Variants in ARHGEF12 observed in about 807,000 individuals in gnomAD.
ARHGEF12 encodes the protein Rho guanine nucleotide exchange factor 12.
In ARHGEF12, 66 loss-of-function variants were observed where a neutral mutation model predicts 211.2. The ratio of observed to expected loss-of-function variants is 0.31; its 90% CI spans 0.26 to 0.38. The LOEUF (loss-of-function observed/expected upper bound fraction) is 0.38. ARHGEF12 is among the 10% of genes least tolerant of loss of function. The pLI, the probability that ARHGEF12 is intolerant of heterozygous loss-of-function variation, is 1.00. For missense variants in ARHGEF12, 1,429 were observed against 1,869.5 expected (o/e 0.76, Z 4.34); for synonymous variants, 592 against 638.4 (o/e 0.93, Z 1.09).
At position 120,449,193 on chromosome 11, in the gene ARHGEF12, A is replaced by G; in HGVS notation, c.1822A>G (p.Ser608Gly). ...CATCCTGGGACCCCCACGGAGACCA[A>G]GCCGTCATGACAACAGTGCAAGTAT... The part of the protein sequence containing the change: ...PSILGPPRRP[S>G]RHDNSAIGRA... Residue 608 changes from serine (S) to glycine (G), a missense_variant, in exon 21 of 41, where the codon AGC becomes GGC. Physicochemically the swap from Ser to Gly is moderately conservative, Grantham distance 56 (BLOSUM62 0). Coordinates refer to ENST00000397843, the MANE Select transcript of ARHGEF12 (RefSeq NM_015313.3). The G allele has an allele frequency of 1.9e-6, 3 of 1,614,144 alleles. No individual in the cohort carries two copies. Among genetic ancestry groups the G allele is most frequent in the Non-Finnish European group, 2.5e-6 (3 of 1,179,992 alleles).
intron 1 of ARHGEF12, among the ~76,000 whole-genome samples, chr11:120,347,052 T>C (rs1942753477): frequency 6.6e-6 from 1 of 152,190 alleles, no homozygotes; most frequent in African/African-American, 2.4e-5. Context: ...GAACTTGTTT[T>C]GATTTCATTT....
At chr11:120,383,157 G>A (rs1565442227) in intron 1 of ARHGEF12, among the ~76,000 whole-genome samples, 1 of 151,966 alleles carries the variant, frequency 6.6e-6, no homozygotes, top group Non-Finnish European at 1.5e-5. Flanking sequence ...AAGAGAAACA[G>A]TGTCTTTGGG....
intron 5 of ARHGEF12, 82 bp downstream of exon 5, chr11:120,420,933 T>C (rs1945166651): frequency 3.4e-6 from 4 of 1,176,926 alleles, no homozygotes; most frequent in African/African-American, 3.0e-5. Flanking sequence ...TTGCCAAGAA[T>C]AGAATAATTA....
At chr11:120,479,021 TTTTC>T (rs1947151454) in intron 37 of ARHGEF12, among the ~76,000 whole-genome samples, 1 of 152,202 alleles carries the variant, frequency 6.6e-6, no homozygotes, top group African/African-American at 2.4e-5. Flanking sequence ...GTACTTTCTT[TTTTC>T]TTTCTTTTGA....
intron 1 of ARHGEF12, chr11:120,337,920 C>T (rs750603093): frequency 8.8e-5 from 87 of 984,586 alleles, no homozygotes; most frequent in Non-Finnish European, 1.0e-4. Flanking sequence ...TTTCGTCTTC[C>T]AGAAACACTT....
At chr11:120,379,226 C>G (rs938989207) in intron 1 of ARHGEF12, among the ~76,000 whole-genome samples, 1 of 151,700 alleles carries the variant, frequency 6.6e-6, no homozygotes, top group Non-Finnish European at 1.5e-5. Context: ...ATTTTTAATT[C>G]TTTATTAATA....
intron 11 of ARHGEF12, among the ~76,000 whole-genome samples, chr11:120,434,826 A>T (rs779976762): frequency 1.3e-5 from 2 of 152,158 alleles, no homozygotes; most frequent in Non-Finnish European, 2.9e-5. Flanking sequence ...ATTTTGGAAA[A>T]TTGTTAAACA....
At chr11:120,374,736 A>T (rs530297484) in intron 1 of ARHGEF12, among the ~76,000 whole-genome samples, 31 of 152,216 alleles carry the variant, frequency 2.0e-4, no homozygotes, top group East Asian at 5.8e-4. Flanking sequence ...AAATATTTTT[A>T]AAAAACTTTT....
In ARHGEF12 at chr11:120,477,213, C is replaced by G. The variant is rs370950973; in HGVS notation, c.3366-6C>G. The G allele has an allele frequency of 2.5e-6, 4 of 1,612,900 alleles. No homozygotes were observed. Among genetic ancestry groups the G allele is most frequent in the Non-Finnish European group, 3.4e-6 (4 of 1,179,594 alleles). ...GTATTTTGGATTTCTTTCCAACTTTCTGAAGCTGGCAGGACCTAATCTGTC... is the reference window on the plus strand; with the variant it reads ...GTATTTTGGATTTCTTTCCAACTTTGTGAAGCTGGCAGGACCTAATCTGTC... On this transcript the variant is annotated splice_polypyrimidine_tract_variant and splice_region_variant and intron_variant, in intron 34 of 40. Coordinates refer to ENST00000397843, the MANE Select transcript of ARHGEF12 (RefSeq NM_015313.3).
intron 16 of ARHGEF12, 111 bp from the exon 17 acceptor site, chr11:120,446,292 T>A: frequency 1.8e-6 from 1 of 562,628 alleles, no homozygotes; most frequent in Non-Finnish European, 2.8e-6. Context: ...CCTGAAGAAC[T>A]TCCCTCTGGC....
chr11:120,438,482 G>A (rs141360994), intron 12 of ARHGEF12: 82 of 152,038 alleles, frequency 5.4e-4, no homozygotes, highest in African/African-American at 1.9e-3. Flanking sequence ...AAAGCCTTGA[G>A]GTTAAAGAAA....
intron 22 of ARHGEF12, among the ~76,000 whole-genome samples, chr11:120,452,732 A>G (rs1946249284): frequency 6.6e-6 from 1 of 152,236 alleles, no homozygotes; most frequent in South Asian, 2.1e-4. Context: ...GCAGTGGCTC[A>G]TGCCTGTAAT....
chr11:120,432,575 G>A (rs1945580353), intron 11 of ARHGEF12, among the ~76,000 whole-genome samples: 1 of 152,170 alleles, frequency 6.6e-6, no homozygotes, highest in African/African-American at 2.4e-5. Context: ...CTCTTTAAAA[G>A]TGATGAGGGA....
intron 40 of ARHGEF12, 150 bp downstream of exon 40, chr11:120,484,657 G>A (rs1947352136): frequency 6.9e-6 from 5 of 721,030 alleles, no homozygotes; most frequent in South Asian, 5.8e-5. Flanking sequence ...GATATCAAGC[G>A]GAAGCTCATG....
In ARHGEF12 at chr11:120,484,409, A is replaced by G. The variant is rs1462821890; in HGVS notation, c.4555-29A>G. The G allele has an allele frequency of 1.9e-6, 3 of 1,602,600 alleles. No homozygotes were observed. The East Asian group carries it at 6.7e-5, about 36-fold the overall frequency. On this transcript the variant is annotated intron_variant, in intron 39 of 40. Coordinates refer to ENST00000397843, the MANE Select transcript of ARHGEF12 (RefSeq NM_015313.3). ...TTTTGTTTTGTTTCATTACGTTTGA[A>G]TAAAAAACCTATGGGTTTTATTTCA...
intron 1 of ARHGEF12, among the ~76,000 whole-genome samples, chr11:120,391,301 T>C (rs1304830884): frequency 6.6e-6 from 1 of 152,232 alleles, no homozygotes; most frequent in East Asian, 1.9e-4. Flanking sequence ...AAACCTTTGT[T>C]CTGATGATGA....
At chr11:120,427,537 TA>T (rs548654543) in intron 7 of ARHGEF12, among the ~76,000 whole-genome samples, 1,762 of 142,558 alleles carry the variant, frequency 0.012, 30 homozygotes, top group African/African-American at 0.041. Flanking sequence ...ACCCTATCTT[TA>T]AAAAAAAAAA....
chr11:120,411,402 T>G (rs1462447744), intron 4 of ARHGEF12: 3 of 152,074 alleles, frequency 2.0e-5, no homozygotes, highest in Non-Finnish European at 4.4e-5. Flanking sequence ...TCAGAAAAGC[T>G]TGAAACTACT....
chr11:120,432,753 G>A (rs1233903546), intron 11 of ARHGEF12, among the ~76,000 whole-genome samples: 3 of 152,134 alleles, frequency 2.0e-5, no homozygotes, highest in Non-Finnish European at 4.4e-5. Flanking sequence ...ACAATGTGAA[G>A]TTTCTCTCTT....
Sources: gnomAD v4.1 joint callset for allele counts (sites outside exome capture counted in the v4.1 genomes callset) on GRCh38, gnomAD v4.1.1 for gene constraint, MANE v1.5 for transcripts, NCBI Gene and HGNC (gene_info 2026-07-23, HGNC 2026-07-21) for gene names.